Variants in SATB1 observed in about 807,000 individuals in gnomAD.
The protein encoded by SATB1 is DNA-binding protein SATB1.
A neutral mutation model predicts 86.9 loss-of-function variants in SATB1; 11 were observed. The observed-to-expected ratio is 0.13, with a 90% CI of 0.08 to 0.21. SATB1 has a LOEUF of 0.21. SATB1 is among the 10% of genes least tolerant of loss of function. SATB1 has a pLI of 1.00. For synonymous variants in SATB1, 357 were observed against 357.2 expected, an observed-to-expected ratio of 1.00 and a Z score of 0.01; for missense variants, 551 against 937.6, an observed-to-expected ratio of 0.59 and a Z score of 5.39.
chr3:18,415,075 G>C, intron 5 of SATB1, 36 bp downstream of exon 5: 1 of 1,609,636 alleles, frequency 6.2e-7, no homozygotes, highest in Non-Finnish European at 8.5e-7. Context: ...GGTTGCCCAT[G>C]ATGTCTTATT....
At chr3:18,409,969 G>C (rs573351196) in intron 5 of SATB1, among the ~76,000 whole-genome samples, 3 of 152,100 alleles carry the variant, frequency 2.0e-5, no homozygotes, top group Admixed American at 2.0e-4. Flanking sequence ...AAAACAAAGG[G>C]CTATTAGCAT....
intron 4 of SATB1, among the ~76,000 whole-genome samples, 164 bp from the exon 5 acceptor site, chr3:18,415,398 C>T (rs1035723467): frequency 2.0e-5 from 3 of 152,106 alleles, no homozygotes; most frequent in African/African-American, 4.8e-5. Flanking sequence ...TTATACAACA[C>T]ATCTGCTGTA....
intron 1 of SATB1, chr3:18,445,254 T>A: frequency 1.0e-6 from 1 of 981,416 alleles, no homozygotes; most frequent in Non-Finnish European, 1.2e-6. Flanking sequence ...CTGGCGACAC[T>A]AGGCGCACTG....
intron 9 of SATB1, among the ~76,000 whole-genome samples, chr3:18,366,392 C>T (rs965114417): frequency 1.3e-5 from 2 of 151,810 alleles, no homozygotes; most frequent in South Asian, 2.1e-4. Flanking sequence ...CCTGCTTTCC[C>T]GTTTAATGTG....
At chr3:18,430,045 A>T (rs1200344491), upstream of SATB1, among the ~76,000 whole-genome samples, 1 of 152,228 alleles carries the variant, frequency 6.6e-6, no homozygotes, top group Non-Finnish European at 1.5e-5. Flanking sequence ...TATATCATTT[A>T]AATTTGAATT....
intron 5 of SATB1, among the ~76,000 whole-genome samples, chr3:18,406,051 T>C (rs1410401021): frequency 1.3e-5 from 2 of 152,158 alleles, no homozygotes; most frequent in African/African-American, 2.4e-5. Flanking sequence ...TTGTAAATCA[T>C]ATAATAAAGA....
At position 18,444,491 on chromosome 3, in the gene SATB1, T is replaced by G. The variant is rs768944120; in HGVS notation, c.-25+1027A>C. The G allele has an allele frequency of 8.3e-5, 62 of 742,734 alleles. No homozygotes were observed. The highest frequency in any genetic ancestry group is 9.7e-5 in the Non-Finnish European group (59 of 609,138). 46.0% of individuals were successfully genotyped at this position (742,734 alleles called of 1,614,324 possible). A position where few individuals can be genotyped will look rare whatever the true frequency, so the allele number is the denominator to read the frequency against. On this transcript the variant is annotated intron_variant, in intron 1 of 3. Transcript: ENST00000415069. The surrounding 1 kb of genome is among the most constrained non-coding windows in gnomAD (Gnocchi z 5.1). ...CGAGAGGGGAGCCCAGCCGCCCCAA[T>G]AGGGGACGAGGAGTGGGTGCTACGG...
intron 9 of SATB1, among the ~76,000 whole-genome samples, chr3:18,363,948 G>A (rs1166042477): frequency 1.3e-5 from 2 of 152,124 alleles, no homozygotes; most frequent in African/African-American, 2.4e-5. Context: ...CAGAGAAAAG[G>A]TTGTCTGGAA....
intron 7 of SATB1, among the ~76,000 whole-genome samples, chr3:18,387,476 C>A (rs924906011): frequency 6.6e-6 from 1 of 152,108 alleles, no homozygotes; most frequent in Admixed American, 6.5e-5. Flanking sequence ...GTCTTTCCCC[C>A]CTAAATAACA....
chr3:18,440,129 T>C (rs571047927), upstream of SATB1, among the ~76,000 whole-genome samples: 2 of 152,210 alleles, frequency 1.3e-5, no homozygotes, highest in Non-Finnish European at 2.9e-5. Context: ...TTTAATCTTT[T>C]TGGAACTTTG....
chr3:18,442,411 T>C (rs1699265670), upstream of SATB1, among the ~76,000 whole-genome samples: 1 of 152,328 alleles, frequency 6.6e-6, no homozygotes, highest in Non-Finnish European at 1.5e-5. Context: ...TGAACAACTC[T>C]ACATTTAAAA....
In SATB1 at chr3:18,349,686, C is replaced by T; in HGVS notation, c.1780-4G>A. On this transcript the variant is annotated splice_region_variant and splice_polypyrimidine_tract_variant and intron_variant, in intron 10 of 10. Transcript: ENST00000338745. The surrounding 1 kb of genome is among the most constrained non-coding windows in gnomAD (Gnocchi z 5.5). ...GTTGCTGTTGCTGCTGCTGTTGCTG[C>T]AAAGAAACAAGGAGACAATCAGAGC... 1 of 1,592,018 alleles carries T rather than the reference C, an allele frequency of 6.3e-7. No homozygotes were observed. Among genetic ancestry groups the T allele is most frequent in the Non-Finnish European group, 8.5e-7 (1 of 1,169,994 alleles).
intron 5 of SATB1, chr3:18,409,321 C>T (rs772979027): frequency 4.6e-5 from 7 of 152,012 alleles, no homozygotes; most frequent in Non-Finnish European, 1.0e-4. Flanking sequence ...GCATCTAAGT[C>T]ATCTAAAAAT....
At chr3:18,360,103 G>A (rs376378606) in intron 9 of SATB1, among the ~76,000 whole-genome samples, 1 of 152,080 alleles carries the variant, frequency 6.6e-6, no homozygotes, top group Admixed American at 6.6e-5. Context: ...TTTTCAAGAA[G>A]AATAGAGAAC....
intron 9 of SATB1, among the ~76,000 whole-genome samples, chr3:18,355,011 T>C (rs1694560538): frequency 6.6e-6 from 1 of 152,138 alleles, no homozygotes; most frequent in South Asian, 2.1e-4. Context: ...TATCTAAAAA[T>C]AATTTGATGA....
chr3:18,402,526 A>G (rs1697322954), intron 5 of SATB1, among the ~76,000 whole-genome samples: 1 of 152,096 alleles, frequency 6.6e-6, no homozygotes, highest in South Asian at 2.1e-4. Flanking sequence ...AGAGCTCTGC[A>G]TGCTCATAGA....
chr3:18,418,480 C>T (rs996422072), intron 2 of SATB1, among the ~76,000 whole-genome samples: 2 of 152,036 alleles, frequency 1.3e-5, no homozygotes, highest in African/African-American at 4.8e-5. Context: ...TCGGAGGTAC[C>T]AATAGGCTAG....
At chr3:18,440,808 A>C (rs189250369), upstream of SATB1, among the ~76,000 whole-genome samples, 344 of 152,348 alleles carry the variant, frequency 2.3e-3, 3 homozygotes, top group African/African-American at 7.9e-3. Flanking sequence ...TTTGAAAACC[A>C]AATCAATTTG....
At chr3:18,434,133 T>C (rs955835710) in intron 2 of SATB1, among the ~76,000 whole-genome samples, 5 of 152,098 alleles carry the variant, frequency 3.3e-5, no homozygotes, top group African/African-American at 4.8e-5. Flanking sequence ...AAACACTACA[T>C]ATTCACATTA....
Sources: allele counts gnomAD v4.1 joint callset (sites outside exome capture counted in the v4.1 genomes callset), GRCh38; gene constraint gnomAD v4.1.1; non-coding constraint Gnocchi (gnomAD v3.1); transcripts MANE v1.5; gene names NCBI Gene and HGNC (gene_info 2026-07-23, HGNC 2026-07-21).